Variants in HELQ observed in about 807,000 individuals in gnomAD.
HELQ encodes the protein helicase, POLQ like, also known as helicase POLQ-like.
In HELQ, 77 loss-of-function variants were observed where a neutral mutation model predicts 111.6. The ratio of observed to expected loss-of-function variants is 0.69; its 90% CI spans 0.57 to 0.83. HELQ has a LOEUF of 0.83. Among genes scored for constraint, HELQ ranks in the 40% least tolerant of loss-of-function variants. The pLI is 0.00. For synonymous variants in HELQ, 438 were observed against 454.7 expected, an observed-to-expected ratio of 0.96 and a Z score of 0.47; for missense variants, 1,200 against 1,288.5, an observed-to-expected ratio of 0.93 and a Z score of 1.05.
At position 83,429,657 on chromosome 4, in the gene HELQ, G is replaced by A. The variant is rs1288243055; in HGVS notation, c.2385C>T (p.Leu795=). The A allele has an allele frequency of 6.2e-7, 1 of 1,613,114 alleles. No individual in the cohort carries two copies. Among genetic ancestry groups the A allele is most frequent in the South Asian group, 1.1e-5 (1 of 91,064 alleles). Residue 795 remains leucine (L), a synonymous_variant, in exon 12 of 18, where the codon CTC becomes CTT. Coordinates refer to ENST00000295488, the MANE Select transcript of HELQ (RefSeq NM_133636.5). The stretch of plus-strand genomic sequence containing the variant: ...TAAGTGATTCAACAGTTATTTCCCA[G>A]AGACTTTTTTCTTTCAATAAAACCT... ...QQKVLLKEKS[L]WEITVESLRY... is the part of the protein sequence containing the mutation.
intron 12 of HELQ, among the ~76,000 whole-genome samples, chr4:83,429,303 T>A (rs527919420): frequency 3.3e-4 from 50 of 152,200 alleles, no homozygotes; most frequent in African/African-American, 1.2e-3. Context: ...TGTATCACCA[T>A]GCCTGGCTAA....
At chr4:83,417,957 A>G (rs1739452012) in intron 16 of HELQ, 136 bp downstream of exon 16, 1 of 501,994 alleles carries the variant, frequency 2.0e-6, no homozygotes. Context: ...TGTTTTAAAT[A>G]AAAGATTCCC....
chr4:83,453,765 T>C lies in HELQ; in HGVS notation c.478A>G (p.Thr160Ala), dbSNP rs1440049575. The C allele has an allele frequency of 6.2e-7, 1 of 1,614,190 alleles. No homozygotes were observed. ...AATTCAGTAAGGTTGCCTATGGTAG[T>C]AATGCTGAGTTTGTTTTTGATACTT... ...SESIKNKLSI[T>A]TIGNLTELQT... Residue 160 changes from threonine (T) to alanine (A), a missense_variant, in exon 2 of 18, where the codon ACT becomes GCT. Physicochemically the swap from Thr to Ala is moderately conservative, Grantham distance 58. This residue lies in a region of HELQ where 610 missense variants were observed against 607.1 expected (regional missense o/e 1.00). Coordinates refer to ENST00000295488, the MANE Select transcript of HELQ (RefSeq NM_133636.5).
At position 83,453,289 on chromosome 4, in the gene HELQ, T is replaced by C. The variant is rs1356100270; in HGVS notation, c.954A>G (p.Ser318=). 1.9e-6 allele frequency: 3 copies of C among 1,613,838 alleles called. No individual in the cohort carries two copies. Among genetic ancestry groups the C allele is most frequent in the Non-Finnish European group, 2.5e-6 (3 of 1,179,822 alleles). ...AAAGGTCTCTCACTTTGCTGGGTAA[T>C]GAATAAAAAGGACCAAGGTCATTTG... The part of the protein sequence containing the change: ...SSSNDLGPFY[S]LPSKVRDLYA... Residue 318 remains serine, a synonymous_variant, in exon 2 of 18, where the codon TCA becomes TCG. Transcript: ENST00000295488.
intron 8 of HELQ, among the ~76,000 whole-genome samples, chr4:83,438,460 G>A (rs1379403533): frequency 1.3e-5 from 2 of 152,128 alleles, no homozygotes; most frequent in Non-Finnish European, 2.9e-5. Context: ...ACAAAGGCAG[G>A]CCAGGCGCAG....
At chr4:83,444,566 A>G (rs993251400) in intron 5 of HELQ, among the ~76,000 whole-genome samples, 12 of 152,262 alleles carry the variant, frequency 7.9e-5, no homozygotes, top group Non-Finnish European at 1.3e-4. Context: ...AGTGAAGCTT[A>G]TGAAGCCATA....
chr4:83,455,834 G>C, upstream of HELQ: 2 of 874,452 alleles, frequency 2.3e-6, no homozygotes, highest in Non-Finnish European at 3.5e-6. Context: ...AGGGCTCGCG[G>C]ACCGGAAGCA....
intron 6 of HELQ, among the ~76,000 whole-genome samples, chr4:83,441,774 T>C (rs1373344255): frequency 6.8e-6 from 1 of 147,946 alleles, no homozygotes; most frequent in Non-Finnish European, 1.5e-5. Context: ...CTTTGTCTTT[T>C]TTTTTTTTTT....
chr4:83,446,884 A>C lies in HELQ; in HGVS notation c.1343T>G (p.Leu448Trp), dbSNP rs561940444. The change falls in exon 4 of 18, where the codon TTG becomes TGG. Residue 448 changes from leucine (L) to tryptophan (W), a missense_variant. Physicochemically the swap from Leu to Trp is moderately conservative, Grantham distance 61 (BLOSUM62 -2). Coordinates refer to ENST00000295488, the MANE Select transcript of HELQ (RefSeq NM_133636.5). ...ACTGTCAATTCTTCCAGTTTCAATC[A>C]AGGAGTTCACCAAGCTATGTCCTTT... Reference protein sequence around the residue: ...IEKGHSLVNSLIETGRIDSLG... With the variant: ...IEKGHSLVNSWIETGRIDSLG... 1.9e-6 allele frequency: 3 copies of C among 1,613,740 alleles called. No individual in the cohort carries two copies. In the Admixed American group the frequency reaches 5.0e-5, roughly 27 times the overall value.
chr4:83,415,161 T>G (rs553074363), intron 17 of HELQ, among the ~76,000 whole-genome samples: 1 of 152,168 alleles, frequency 6.6e-6, no homozygotes, highest in Non-Finnish European at 1.5e-5. Flanking sequence ...CAATCTCAAA[T>G]TGCTGTGGAA....
chr4:83,439,916 A>T lies in HELQ; in HGVS notation c.1755T>A (p.Pro585=). The part of the protein sequence containing the change: ...IPNYSCLVFC[P]SKKNCENVAE... ...CTACATTTTCACAGTTCTTCTTACT[A>T]GGACAAAAAACTAAGCAGGAATAAT... Residue 585 remains proline, a synonymous_variant, in exon 8 of 18, where the codon CCT becomes CCA. Coordinates refer to ENST00000295488, the MANE Select transcript of HELQ (RefSeq NM_133636.5). 6.2e-7 allele frequency: 1 copy of T among 1,607,430 alleles called. No homozygotes were observed.
At chr4:83,441,230 G>A (rs1720738786) in intron 7 of HELQ, 75 bp downstream of exon 7, 1 of 793,474 alleles carries the variant, frequency 1.3e-6, no homozygotes, top group Non-Finnish European at 2.1e-6. Context: ...CTATTCTACG[G>A]AATCCATTGG....
intron 2 of HELQ, among the ~76,000 whole-genome samples, chr4:83,450,353 C>A (rs113054777): frequency 2.5e-4 from 36 of 145,832 alleles, no homozygotes; most frequent in African/African-American, 9.1e-4. Context: ...TCAAGATGAG[C>A]CCATCTCTAT....
Position 83,455,696 on chromosome 4 carries a change from C to A in HELQ, c.-3G>T, listed in dbSNP as rs1420184103. The A allele has an allele frequency of 2.5e-6, 4 of 1,603,236 alleles. No individual in the cohort carries two copies. Among genetic ancestry groups the A allele is most frequent in the Admixed American group, 3.3e-5 (2 of 59,960 alleles). On this transcript the variant is annotated 5_prime_UTR_variant, in exon 1 of 18. Coordinates refer to ENST00000295488, the MANE Select transcript of HELQ (RefSeq NM_133636.5). ...ATGCGGGAACCACATTCATCCATGGCAAGGACCCAGGGCCCTATTCAGACG... is the reference window on the plus strand; with the variant it reads ...ATGCGGGAACCACATTCATCCATGGAAAGGACCCAGGGCCCTATTCAGACG...
At chr4:83,440,521 T>C (rs1720706473) in intron 7 of HELQ, among the ~76,000 whole-genome samples, 1 of 152,260 alleles carries the variant, frequency 6.6e-6, no homozygotes, top group South Asian at 2.1e-4. Flanking sequence ...AATGTGAAGT[T>C]ATTTAAAATC....
At position 83,453,327 on chromosome 4, in the gene HELQ, C is replaced by T. The variant is rs1494961; in HGVS notation, c.916G>A (p.Val306Ile). The change falls in exon 2 of 18, where the codon GTT becomes ATT. Residue 306 changes from valine (V) to isoleucine (I), a missense_variant. Physicochemically the swap from Val to Ile is conservative, Grantham distance 29. Transcript: ENST00000295488. ...CCAAGGTCATTTGATGATGACTCAACTGTTTTCTTAGCAACATTAATTTCC... is the reference window on the plus strand; with the variant it reads ...CCAAGGTCATTTGATGATGACTCAATTGTTTTCTTAGCAACATTAATTTCC... ...SEEINVAKKT[V>I]ESSSNDLGPF... is the part of the protein sequence containing the mutation. 0.52 allele frequency: 845,883 copies of T among 1,612,154 alleles called. 227,195 individuals are homozygous for T. Among genetic ancestry groups the T allele is most frequent in the African/African-American group, 0.78 (58,661 of 74,918 alleles).
chr4:83,449,461 C>A (rs1721231555), intron 2 of HELQ, among the ~76,000 whole-genome samples: 1 of 152,176 alleles, frequency 6.6e-6, no homozygotes, highest in Non-Finnish European at 1.5e-5. Flanking sequence ...CTCATGGAGA[C>A]CTGAACTTCG....
intron 9 of HELQ, among the ~76,000 whole-genome samples, chr4:83,435,608 G>C (rs781661063): frequency 6.6e-6 from 1 of 151,938 alleles, no homozygotes; most frequent in East Asian, 1.9e-4. Flanking sequence ...AAAGATGTGG[G>C]ATATAAGAGG....
Position 83,416,796 on chromosome 4 carries a change from C to T in HELQ, c.3133G>A (p.Val1045Met), listed in dbSNP as rs1739385275. ...LMHLANANPE[V>M]LVRTIDHLSR... ...AAATGATCAATTGTCCTTACGAGCA[C>T]TTCAGGATTTGCATTAGCTAAGTGC... The change falls in exon 17 of 18, where the codon GTG (valine) becomes ATG (methionine). Residue 1045 changes from valine to methionine, a missense_variant. By Grantham distance (21) the Val-to-Met change is conservative. This residue lies in a region of HELQ where 585 missense variants were observed against 665.3 expected (regional missense o/e 0.88). Transcript: ENST00000295488. 6.2e-7 allele frequency: 1 copy of T among 1,613,960 alleles called. No homozygotes were observed. The highest frequency in any genetic ancestry group is 8.5e-7 in the Non-Finnish European group (1 of 1,179,886).
Sources: allele counts gnomAD v4.1 joint callset (sites outside exome capture counted in the v4.1 genomes callset), GRCh38; gene constraint gnomAD v4.1.1; regional missense constraint gnomAD v4.1.1; transcripts MANE v1.5; gene names NCBI Gene and HGNC (gene_info 2026-07-23, HGNC 2026-07-21).